Variants in CEP350 observed in about 807,000 individuals in gnomAD.
CEP350 encodes the protein centrosome-associated protein 350.
In CEP350, 126 loss-of-function variants were observed where a neutral mutation model predicts 331.8. The ratio of observed to expected loss-of-function variants is 0.38; its 90% confidence interval spans 0.33 to 0.44. The LOEUF (loss-of-function observed/expected upper bound fraction) is 0.44, where lower values mean the gene tolerates loss of function less well. CEP350 is among the 20% of genes least tolerant of loss of function. The pLI is 1.00. For missense variants in CEP350, 3,406 were observed against 3,634.6 expected, an observed-to-expected ratio of 0.94 and a Z score of 1.62; for synonymous variants, 1,200 against 1,259.5, an observed-to-expected ratio of 0.95 and a Z score of 1.00.
At chr1:179,963,241 A>T (rs1650763731) in intron 1 of CEP350, among the ~76,000 whole-genome samples, 1 of 151,154 alleles carries the variant, frequency 6.6e-6, no homozygotes, top group African/African-American at 2.4e-5. Context: ...GTTTGCAAAT[A>T]TTTTTTTCCC....
intron 7 of CEP350, among the ~76,000 whole-genome samples, chr1:180,005,938 G>A (rs1181882531): frequency 6.6e-6 from 1 of 152,110 alleles, no homozygotes; most frequent in Non-Finnish European, 1.5e-5. Context: ...CTTAACATGT[G>A]TAATCAGTTT....
At chr1:179,998,026 G>A (rs1245299514) in intron 6 of CEP350, among the ~76,000 whole-genome samples, 1 of 149,456 alleles carries the variant, frequency 6.7e-6, no homozygotes, top group African/African-American at 2.5e-5. Flanking sequence ...TTTTTTTAAA[G>A]CCAACTCAAG....
intron 1 of CEP350, among the ~76,000 whole-genome samples, chr1:179,961,029 A>C (rs1482467183): frequency 6.6e-6 from 1 of 152,142 alleles, no homozygotes. Context: ...GTGCTCCCAA[A>C]GGTTGATTTT....
intron 17 of CEP350, among the ~76,000 whole-genome samples, chr1:180,039,037 C>T (rs891252012): frequency 2.0e-5 from 3 of 148,142 alleles, no homozygotes; most frequent in East Asian, 2.0e-4. Context: ...GGCAACATGG[C>T]GAAATCCCGT....
At chr1:180,052,381 T>A (rs1657565643) in intron 22 of CEP350, 1 of 349,248 alleles carries the variant, frequency 2.9e-6, no homozygotes, top group Admixed American at 4.0e-5. Context: ...ATAAAATAAA[T>A]AAGAGCTCTT....
At chr1:180,080,422 A>G in intron 29 of CEP350, 95 bp from the exon 30 acceptor site, 2 of 1,084,984 alleles carry the variant, frequency 1.8e-6, no homozygotes, top group South Asian at 3.0e-5. Context: ...AATTCTTTGT[A>G]AATGTTATCT....
chr1:180,096,706 A>T (rs1454430942), intron 36 of CEP350, among the ~76,000 whole-genome samples: 1 of 152,178 alleles, frequency 6.6e-6, no homozygotes, highest in East Asian at 1.9e-4. Context: ...GATACGTAAA[A>T]ATATTTATTT....
At chr1:180,016,735 C>T (rs1655005882) in intron 11 of CEP350, among the ~76,000 whole-genome samples, 1 of 138,042 alleles carries the variant, frequency 7.2e-6, no homozygotes, top group African/African-American at 2.7e-5. Flanking sequence ...AGTCTTGGTT[C>T]ACTGCAACCT....
intron 32 of CEP350, 55 bp downstream of exon 32, chr1:180,087,772 G>T: frequency 1.5e-6 from 2 of 1,368,462 alleles, no homozygotes; most frequent in Non-Finnish European, 1.9e-6. Flanking sequence ...AAGGAATAAG[G>T]GAATATTTTC....
intron 37 of CEP350, among the ~76,000 whole-genome samples, chr1:180,109,424 C>T (rs1024736332): frequency 6.6e-6 from 1 of 151,434 alleles, no homozygotes; most frequent in Non-Finnish European, 1.5e-5. Flanking sequence ...GGCCCACTTT[C>T]TCTGCTTTTT....
chr1:180,076,284 C>A (rs1659221545), intron 28 of CEP350, among the ~76,000 whole-genome samples: 1 of 152,032 alleles, frequency 6.6e-6, no homozygotes, highest in Non-Finnish European at 1.5e-5. Flanking sequence ...GATGTTATGT[C>A]CATAAAAGGA....
At position 180,014,493 on chromosome 1, in the gene CEP350, G is replaced by C. The variant is rs778788295; in HGVS notation, c.2040G>C (p.Thr680=). The C allele has an allele frequency of 6.2e-7, 1 of 1,603,200 alleles. No homozygotes were observed. The highest frequency in any genetic ancestry group is 1.1e-5 in the South Asian group (1 of 88,582). ...AAGAGCCATCTCATCAACATGTTAC[G>C]CAGGAAACACAGGTAATAGTAGTGA... ...LLEEPSHQHV[T]QETQAKPGYQ... Residue 680 remains threonine (T), a synonymous_variant, in exon 10 of 38, where the codon ACG becomes ACC. Coordinates refer to ENST00000367607, the MANE Select transcript of CEP350 (RefSeq NM_014810.5).
chr1:179,996,330 A>G (rs1413801344), intron 5 of CEP350, among the ~76,000 whole-genome samples: 1 of 152,184 alleles, frequency 6.6e-6, no homozygotes, highest in Non-Finnish European at 1.5e-5. Context: ...TTTTAAAAAG[A>G]TTTAGCTTTA....
At chr1:180,040,886 G>GCATACA (rs1656717882) in intron 17 of CEP350, among the ~76,000 whole-genome samples, 1 of 151,856 alleles carries the variant, frequency 6.6e-6, no homozygotes, top group Non-Finnish European at 1.5e-5. Context: ...ATGGCTTTTT[G>GCATACA]GTATTAATTC....
At position 180,113,573 on chromosome 1, in the gene CEP350, AAAAAGAAAAAAGAATCCAT is replaced by A. The variant is rs1399733274; in HGVS notation, c.*2415_*2433del. 2.0e-5 allele frequency: 3 copies of A among 151,922 alleles called. No individual in the cohort carries two copies. Among genetic ancestry groups the A allele is most frequent in the Non-Finnish European group, 4.4e-5 (3 of 67,948 alleles). The allele number at this position is 151,922 out of a possible 1,614,324, so 9.4% of individuals were successfully genotyped here. A position where few individuals can be genotyped will look rare whatever the true frequency, so the allele number is the denominator to read the frequency against. ...GGTTATCTGTAGTTTGGTAGCAAAA[AAAAAGAAAAAAGAATCCAT>A]AATTAGCAGATTTCTTATTAACTAT... On this transcript the variant is annotated 3_prime_UTR_variant, in exon 38 of 38. Transcript: ENST00000367607.
chr1:180,023,546 A>G (rs961596041), intron 13 of CEP350, among the ~76,000 whole-genome samples: 5 of 152,218 alleles, frequency 3.3e-5, no homozygotes, highest in Non-Finnish European at 5.9e-5. Context: ...TTGAAAAACA[A>G]TAATTATAAT....
intron 1 of CEP350, among the ~76,000 whole-genome samples, chr1:179,965,191 A>T (rs1258814780): frequency 6.6e-6 from 1 of 152,054 alleles, no homozygotes; most frequent in East Asian, 1.9e-4. Flanking sequence ...TTTAGTTTCC[A>T]TGTATTTGTG....
At chr1:180,019,918 T>G in intron 11 of CEP350, 31 bp from the exon 12 acceptor site, 1 of 1,525,438 alleles carries the variant, frequency 6.6e-7, no homozygotes, top group Non-Finnish European at 8.8e-7. Context: ...GGTGGTTTAG[T>G]TAACTAACAT....
At chr1:180,056,740 G>T (rs1340795624) in intron 25 of CEP350, among the ~76,000 whole-genome samples, 1 of 152,156 alleles carries the variant, frequency 6.6e-6, no homozygotes, top group South Asian at 2.1e-4. Flanking sequence ...AGGATTACAG[G>T]TGTGAGCCAC....
Sources: gnomAD v4.1 joint callset for allele counts (sites outside exome capture counted in the v4.1 genomes callset) on GRCh38, gnomAD v4.1.1 for gene constraint, MANE v1.5 for transcripts, NCBI Gene and HGNC (gene_info 2026-07-23, HGNC 2026-07-21) for gene names.